Variants in MBD5 observed in about 807,000 individuals in gnomAD.
MBD5 encodes the protein methyl-CpG binding domain protein 5.
In MBD5, 13 loss-of-function variants were observed where a neutral mutation model predicts 117.3. That is an observed-to-expected ratio of 0.11 (90% CI 0.07 to 0.18). The LOEUF is 0.18. Ranked by LOEUF, MBD5 falls within the 10% of genes least tolerant of loss-of-function variation. MBD5 has a pLI of 1.00. For synonymous variants in MBD5, 727 were observed against 766.4 expected (o/e 0.95, Z 0.85); for missense variants, 1,879 against 2,093.8 (o/e 0.90, Z 2.00).
At chr2:148,457,348 A>G (rs1706916574) in intron 4 of MBD5, among the ~76,000 whole-genome samples, 1 of 152,168 alleles carries the variant, frequency 6.6e-6, no homozygotes, top group African/African-American at 2.4e-5. Context: ...GTAACTATAT[A>G]CAGTATATTA....
intron 4 of MBD5, among the ~76,000 whole-genome samples, chr2:148,397,325 C>CTT (rs34236548): frequency 1.2e-3 from 118 of 100,706 alleles, no homozygotes; most frequent in Non-Finnish European, 1.8e-3. Context: ...TCTTCTGATC[C>CTT]TTTTTTTTTT....
intron 1 of MBD5, among the ~76,000 whole-genome samples, chr2:148,063,102 T>C (rs1558909505): frequency 6.6e-6 from 1 of 152,174 alleles, no homozygotes; most frequent in Non-Finnish European, 1.5e-5. Context: ...TCCTCTTGCG[T>C]ACTAATTAAT....
At chr2:148,463,307 G>C (rs1707153971) in intron 6 of MBD5, among the ~76,000 whole-genome samples, 1 of 151,954 alleles carries the variant, frequency 6.6e-6, no homozygotes, top group Admixed American at 6.6e-5. Flanking sequence ...AACAAAACAA[G>C]TAATAGATTT....
chr2:148,208,608 A>G (rs1358045239), intron 2 of MBD5, among the ~76,000 whole-genome samples: 1 of 151,298 alleles, frequency 6.6e-6, no homozygotes, highest in Non-Finnish European at 1.5e-5. Context: ...GTGTGGCTGG[A>G]AACAATTTTG....
At chr2:148,107,360 T>C (rs1244897450) in intron 1 of MBD5, among the ~76,000 whole-genome samples, 7 of 152,040 alleles carry the variant, frequency 4.6e-5, no homozygotes, top group Admixed American at 4.6e-4. Flanking sequence ...TGTGTATTCT[T>C]TTTTATTTAT....
intron 3 of MBD5, among the ~76,000 whole-genome samples, chr2:148,285,395 C>A (rs1286015604): frequency 1.3e-5 from 2 of 152,132 alleles, no homozygotes; most frequent in Non-Finnish European, 2.9e-5. Context: ...TGATTAAGAT[C>A]TTATCATGTT....
chr2:148,427,551 A>C (rs1242301576), intron 4 of MBD5, among the ~76,000 whole-genome samples: 2 of 151,824 alleles, frequency 1.3e-5, no homozygotes, highest in African/African-American at 4.8e-5. Flanking sequence ...AAAAAACCAA[A>C]CACTGCAAGT....
At chr2:148,059,273 GA>G (rs1271477396) in intron 1 of MBD5, among the ~76,000 whole-genome samples, 2 of 151,864 alleles carry the variant, frequency 1.3e-5, no homozygotes, top group Admixed American at 1.3e-4. Flanking sequence ...TCAAATGTGT[GA>G]AAGCCGGTTC....
intron 1 of MBD5, among the ~76,000 whole-genome samples, chr2:148,129,219 G>C (rs1406381212): frequency 6.6e-6 from 1 of 152,152 alleles, no homozygotes; most frequent in African/African-American, 2.4e-5. Flanking sequence ...CCCAGACCGG[G>C]TGCTGTGGCT....
intron 4 of MBD5, among the ~76,000 whole-genome samples, chr2:148,358,338 TATAGGTA>T (rs1273566321): frequency 1.3e-5 from 2 of 152,234 alleles, no homozygotes; most frequent in African/African-American, 4.8e-5. Flanking sequence ...CAGCCCAAGA[TATAGGTA>T]ATAGGGCTAC....
chr2:148,474,835 CA>C (rs1680908689), intron 8 of MBD5, among the ~76,000 whole-genome samples: 1 of 152,038 alleles, frequency 6.6e-6, no homozygotes, highest in Non-Finnish European at 1.5e-5. Context: ...AGTGAGACCA[CA>C]AAAGAACACT....
intron 1 of MBD5, among the ~76,000 whole-genome samples, chr2:148,091,593 T>C (rs772847834): frequency 6.6e-6 from 1 of 152,098 alleles, no homozygotes; most frequent in Non-Finnish European, 1.5e-5. Flanking sequence ...GCTAGGATAA[T>C]TGGCAAGCCA....
intron 2 of MBD5, among the ~76,000 whole-genome samples, chr2:148,226,002 G>A (rs985061557): frequency 6.6e-6 from 1 of 151,942 alleles, no homozygotes. Flanking sequence ...TTATAGGTTT[G>A]GGAAGTTCTC....
In MBD5 at chr2:148,036,263, C is replaced by G. The variant is rs181455258; in HGVS notation, c.-925+14579C>G. On this transcript the variant is annotated intron_variant, in intron 1 of 13. Transcript: ENST00000642680. ...TCAGTGGAAAGACTAAAATTAGAAC[C>G]CAACATATTCCATGTGCCAATGTGT... 2.1e-3 allele frequency among the ~76,000 whole-genome samples: 313 copies of G among 152,118 alleles called. 1 individual carries two copies. Among genetic ancestry groups the G allele is most frequent in the South Asian group, 8.1e-3 (39 of 4,812 alleles).
intron 3 of MBD5, among the ~76,000 whole-genome samples, chr2:148,315,356 A>G (rs1017442595): frequency 6.6e-6 from 1 of 152,194 alleles, no homozygotes; most frequent in Admixed American, 6.5e-5. Flanking sequence ...CTCTTGTTTT[A>G]CATTAAAAAT....
intron 3 of MBD5, among the ~76,000 whole-genome samples, chr2:148,256,713 C>G (rs1700599535): frequency 6.6e-6 from 1 of 152,224 alleles, no homozygotes; most frequent in African/African-American, 2.4e-5. Context: ...TCGGCTAGAC[C>G]CATCTGTGTA....
At chr2:148,098,993 T>C (rs868624569) in intron 1 of MBD5, among the ~76,000 whole-genome samples, 54 of 152,292 alleles carry the variant, frequency 3.5e-4, no homozygotes, top group African/African-American at 1.2e-3. Context: ...AGGTCGAGGC[T>C]GCAGTGAGCC....
At chr2:148,379,436 A>G (rs1486735739) in intron 4 of MBD5, among the ~76,000 whole-genome samples, 4 of 152,096 alleles carry the variant, frequency 2.6e-5, no homozygotes, top group Non-Finnish European at 5.9e-5. Flanking sequence ...CCAAGGATGA[A>G]AAAAAGATAA....
At chr2:148,500,612 G>C (rs912339146) in intron 11 of MBD5, among the ~76,000 whole-genome samples, 2 of 152,056 alleles carry the variant, frequency 1.3e-5, no homozygotes, top group African/African-American at 4.8e-5. Flanking sequence ...TTTAAATTAA[G>C]ACCAATGGGG....
Sources: gnomAD v4.1 joint callset for allele counts (sites outside exome capture counted in the v4.1 genomes callset) on GRCh38, gnomAD v4.1.1 for gene constraint, MANE v1.5 for transcripts, NCBI Gene and HGNC (gene_info 2026-07-23, HGNC 2026-07-21) for gene names.